Variants in CPA6 observed in about 807,000 individuals in gnomAD.
CPA6 encodes carboxypeptidase A6.
In CPA6, 58 loss-of-function variants were observed where a neutral mutation model predicts 63.3. The observed-to-expected ratio is 0.92, with a 90% CI of 0.74 to 1.14. The LOEUF is 1.14. Among genes scored for constraint, CPA6 ranks in the 50% most tolerant of loss-of-function variants. CPA6 has a pLI of 0.00. For synonymous variants in CPA6, 185 were observed against 179.0 expected, an observed-to-expected ratio of 1.03 and a Z score of -0.27; for missense variants, 565 against 526.6, an observed-to-expected ratio of 1.07 and a Z score of -0.71.
At chr8:67,484,643 A>C (rs374711362) in intron 7 of CPA6, 36 bp downstream of exon 7, 32 of 1,068,372 alleles carry the variant, frequency 3.0e-5, no homozygotes, top group Middle Eastern at 2.0e-4. Flanking sequence ...TGATTTATTT[A>C]GTCCTCTTTT....
intron 8 of CPA6, among the ~76,000 whole-genome samples, chr8:67,444,696 T>C (rs1398488409): frequency 6.9e-6 from 1 of 145,038 alleles, no homozygotes; most frequent in Non-Finnish European, 1.5e-5. Context: ...GGCAGAAGAA[T>C]CACTTGAACC....
intron 2 of CPA6, among the ~76,000 whole-genome samples, chr8:67,546,911 A>G (rs1812829045): frequency 6.6e-6 from 1 of 152,066 alleles, no homozygotes. Context: ...GGTGGCCTCC[A>G]ACTCCTGGGC....
intron 2 of CPA6, among the ~76,000 whole-genome samples, chr8:67,603,325 T>TG: frequency 1.3e-5 from 2 of 152,332 alleles, no homozygotes; most frequent in South Asian, 4.1e-4. Context: ...TAACAATTTT[T>TG]TTTTTTTACA....
chr8:67,655,373 T>G (rs1815959859), intron 1 of CPA6, among the ~76,000 whole-genome samples: 1 of 152,088 alleles, frequency 6.6e-6, no homozygotes. Context: ...TTTCATATAC[T>G]CTAATGAGCT....
intron 1 of CPA6, among the ~76,000 whole-genome samples, chr8:67,717,840 G>C (rs1817411394): frequency 6.6e-6 from 1 of 152,184 alleles, no homozygotes; most frequent in Non-Finnish European, 1.5e-5. Context: ...GGAAGAGCTA[G>C]GAGGGAGTTG....
intron 6 of CPA6, among the ~76,000 whole-genome samples, chr8:67,496,904 C>G (rs1394018383): frequency 6.6e-6 from 1 of 152,008 alleles, no homozygotes; most frequent in Non-Finnish European, 1.5e-5. Flanking sequence ...CTTTAGGTAT[C>G]CACCCCCTAA....
At chr8:67,668,032 G>A (rs754187467) in intron 1 of CPA6, among the ~76,000 whole-genome samples, 6 of 152,144 alleles carry the variant, frequency 3.9e-5, no homozygotes, top group Non-Finnish European at 8.8e-5. Context: ...TCACACACAT[G>A]GGTTTTAAAA....
chr8:67,553,680 TAACTC>T (rs1423333803), intron 2 of CPA6, among the ~76,000 whole-genome samples: 1 of 152,332 alleles, frequency 6.6e-6, no homozygotes, highest in East Asian at 1.9e-4. Context: ...ACCTAATACT[TAACTC>T]AAGCATTTCT....
intron 8 of CPA6, among the ~76,000 whole-genome samples, chr8:67,435,822 C>A (rs1341194275): frequency 6.6e-6 from 1 of 151,746 alleles, no homozygotes; most frequent in Non-Finnish European, 1.5e-5. Flanking sequence ...TTAACAAACA[C>A]CAGAGCAGTA....
chr8:67,654,660 G>A (rs768665871), intron 1 of CPA6, among the ~76,000 whole-genome samples: 84 of 152,172 alleles, frequency 5.5e-4, no homozygotes, highest in Non-Finnish European at 1.0e-3. Flanking sequence ...ACATAACATG[G>A]GTTGGGGCAG....
intron 2 of CPA6, among the ~76,000 whole-genome samples, chr8:67,582,657 A>G (rs188748204): frequency 8.8e-4 from 134 of 152,290 alleles, no homozygotes; most frequent in African/African-American, 3.0e-3. Flanking sequence ...CGATGAATGA[A>G]TGACTAATAA....
intron 1 of CPA6, among the ~76,000 whole-genome samples, chr8:67,644,123 T>A (rs1050439434): frequency 6.6e-5 from 5 of 75,474 alleles, no homozygotes; most frequent in African/African-American, 2.7e-4. Flanking sequence ...TGCTGTCTTA[T>A]TTTTTTTTTT....
chr8:67,551,918 G>A (rs1812946918), intron 2 of CPA6, among the ~76,000 whole-genome samples: 1 of 152,180 alleles, frequency 6.6e-6, no homozygotes, highest in Admixed American at 6.5e-5. Context: ...TTATATTAAA[G>A]CCTATAATGA....
chr8:67,614,834 C>T (rs1464505272), intron 2 of CPA6, among the ~76,000 whole-genome samples: 1 of 152,152 alleles, frequency 6.6e-6, no homozygotes, highest in Non-Finnish European at 1.5e-5. Flanking sequence ...GAATAAAAAC[C>T]TGGTTGACTT....
At chr8:67,547,471 TAC>T (rs1380346989) in intron 2 of CPA6, among the ~76,000 whole-genome samples, 1 of 151,776 alleles carries the variant, frequency 6.6e-6, no homozygotes, top group African/African-American at 2.4e-5. Flanking sequence ...TTTAACTTTC[TAC>T]ACTATTAACA....
chr8:67,559,467 C>A (rs1813150257), intron 2 of CPA6, among the ~76,000 whole-genome samples: 1 of 152,146 alleles, frequency 6.6e-6, no homozygotes. Flanking sequence ...TGCACTATCC[C>A]ATGGCCATGA....
At chr8:67,503,375 C>G (rs888164462) in intron 6 of CPA6, among the ~76,000 whole-genome samples, 2 of 152,074 alleles carry the variant, frequency 1.3e-5, no homozygotes, top group African/African-American at 2.4e-5. Flanking sequence ...CAGCTCACTG[C>G]AGCTTTGACC....
At chr8:67,424,919 C>T (rs1809851115) in intron 10 of CPA6, among the ~76,000 whole-genome samples, 1 of 152,216 alleles carries the variant, frequency 6.6e-6, no homozygotes, top group Non-Finnish European at 1.5e-5. Flanking sequence ...TCTAGCTTTT[C>T]AGCAGAGTTG....
At chr8:67,709,696 G>A (rs930975066) in intron 1 of CPA6, among the ~76,000 whole-genome samples, 4 of 152,184 alleles carry the variant, frequency 2.6e-5, no homozygotes, top group South Asian at 2.1e-4. Flanking sequence ...ACATTCCAGG[G>A]AAACAGGAAT....
Sources: gnomAD v4.1 joint callset for allele counts (sites outside exome capture counted in the v4.1 genomes callset) on GRCh38, gnomAD v4.1.1 for gene constraint, MANE v1.5 for transcripts, NCBI Gene and HGNC (gene_info 2026-07-23, HGNC 2026-07-21) for gene names.